Variants in LDB1 observed in about 807,000 individuals in gnomAD.
The protein encoded by LDB1 is LIM domain binding 1.
In LDB1, 6 loss-of-function variants were observed where a neutral mutation model predicts 49.7. The ratio of observed to expected loss-of-function variants is 0.12; its 90% CI spans 0.07 to 0.24. LDB1 has a LOEUF of 0.24. Among genes scored for constraint, LDB1 ranks in the 10% least tolerant of loss-of-function variants. LDB1 has a pLI of 1.00. For missense variants in LDB1, 341 were observed against 561.7 expected (o/e 0.61, Z 3.97); for synonymous variants, 233 against 202.0 (o/e 1.15, Z -1.30).
At chr10:102,108,354 C>G in intron 10 of LDB1, 31 bp from the exon 11 acceptor site, 1 of 1,583,286 alleles carries the variant, frequency 6.3e-7, no homozygotes, top group Non-Finnish European at 8.7e-7. Context: ...CAAACATAAT[C>G]GGGGCAAGGG....
chr10:102,119,865 A>T (rs2068392100), intron 1 of LDB1, among the ~76,000 whole-genome samples: 1 of 150,180 alleles, frequency 6.7e-6, no homozygotes, highest in African/African-American at 2.4e-5. Flanking sequence ...CATACACATA[A>T]GCCACCCCCA....
chr10:102,109,182 G>A lies in LDB1; in HGVS notation c.857-5C>T, dbSNP rs1468057086. The stretch of plus-strand genomic sequence containing the variant: ...GCTGCTGACGTGTGGGCTCCGCTGT[G>A]CCGGTAAACGGAGACTCAGATGGGA... On this transcript the variant is annotated splice_region_variant and splice_polypyrimidine_tract_variant and intron_variant, in intron 9 of 10. Transcript: ENST00000673968. The surrounding 1 kb of genome is among the most constrained non-coding windows in gnomAD (Gnocchi z 5.8). 17 of 1,613,194 alleles carry A rather than the reference G, an allele frequency of 1.1e-5. No individual in the cohort carries two copies. The highest frequency in any genetic ancestry group is 1.4e-5 in the Non-Finnish European group (17 of 1,179,894).
chr10:102,110,888 C>G lies in LDB1; in HGVS notation c.333G>C (p.Glu111Asp), dbSNP rs769661160. The G allele has an allele frequency of 6.2e-7, 1 of 1,614,054 alleles. No homozygotes were observed. Among genetic ancestry groups the G allele is most frequent in the South Asian group, 1.1e-5 (1 of 91,082 alleles). The change falls in exon 5 of 11, where the codon GAG becomes GAC. Residue 111 changes from glutamate (E) to aspartate (D), a missense_variant. Around this residue, in one of 5 missense-constraint regions of LDB1, gnomAD observed 233 missense variants for 385.7 expected, o/e 0.60. Coordinates refer to ENST00000673968, the MANE Select transcript of LDB1 (RefSeq NM_001113407.3). Reference sequence around the variant, plus strand: ...ACTTACTATATCTCTTTGGTCCATCCTCCAGGCAGAAAGTGATGGTCAACA... The same window carrying G: ...ACTTACTATATCTCTTTGGTCCATCGTCCAGGCAGAAAGTGATGGTCAACA... ...DAMLTITFCL[E>D]DGPKRYTIGR...
intron 1 of LDB1, chr10:102,114,521 G>C (rs1564915334): frequency 1.0e-6 from 1 of 986,046 alleles, no homozygotes; most frequent in Non-Finnish European, 1.2e-6. Context: ...GTCCCGAGTG[G>C]GACGGGCAGG....
intron 1 of LDB1, chr10:102,114,582 C>T: frequency 1.0e-6 from 1 of 985,522 alleles, no homozygotes; most frequent in Non-Finnish European, 1.2e-6. Flanking sequence ...GCACGCACTG[C>T]CTCGGCCCGC....
intron 1 of LDB1, among the ~76,000 whole-genome samples, chr10:102,115,418 C>T (rs927960206): frequency 7.9e-5 from 12 of 152,180 alleles, no homozygotes; most frequent in Admixed American, 1.3e-4. Flanking sequence ...GCCTGGGCTC[C>T]CCTGGTGAAA....
chr10:102,104,320 A>G (rs1437892630), downstream of LDB1, among the ~76,000 whole-genome samples: 1 of 152,172 alleles, frequency 6.6e-6, no homozygotes, highest in Non-Finnish European at 1.5e-5. Flanking sequence ...TAATTCACCA[A>G]CAGACACATA....
rs2068169962 is a variant in LDB1 at position 102,106,925 on chromosome 10, T to C, written c.*1168A>G. ...AGACCCTCTACCTCTACCTCACCTA[T>C]GGGGACAGAGGCCTGTTCCTCCCTG... On this transcript the variant is annotated 3_prime_UTR_variant, in exon 11 of 11. Coordinates refer to ENST00000673968, the MANE Select transcript of LDB1 (RefSeq NM_001113407.3). Among the ~76,000 whole-genome samples, 2 of 152,222 alleles carry C rather than the reference T, an allele frequency of 1.3e-5. No homozygotes were observed. The highest frequency in any genetic ancestry group is 6.5e-5 in the Admixed American group (1 of 15,280).
rs1325080408 is a variant in LDB1, at chr10:102,109,674, G to A, written c.658C>T (p.Pro220Ser). 1.2e-6 allele frequency: 2 copies of A among 1,614,016 alleles called. No homozygotes were observed. Among genetic ancestry groups the A allele is most frequent in the East Asian group, 2.2e-5 (1 of 44,884 alleles). Residue 220 changes from proline (P) to serine (S), a missense_variant, in exon 8 of 11, where the codon CCC becomes TCC. Coordinates refer to ENST00000673968, the MANE Select transcript of LDB1 (RefSeq NM_001113407.3). The surrounding 1 kb of genome is among the most constrained non-coding windows in gnomAD (Gnocchi z 5.8). ...RSILAMHAQD[P>S]QMLDQLSKNI... ...TTGGAGAGCTGATCCAACATCTGGGGGTCTTGGGCCTAGAGTGGGAGAAAA... is the reference window on the plus strand; with the variant it reads ...TTGGAGAGCTGATCCAACATCTGGGAGTCTTGGGCCTAGAGTGGGAGAAAA...
chr10:102,121,323 C>T (rs1025282549), upstream of LDB1, among the ~76,000 whole-genome samples: 1 of 152,194 alleles, frequency 6.6e-6, no homozygotes. Context: ...ACCCCCCTGC[C>T]TGGAAGCTGC....
At chr10:102,102,555 A>T (rs2068129022), downstream of LDB1, among the ~76,000 whole-genome samples, 1 of 152,224 alleles carries the variant, frequency 6.6e-6, no homozygotes, top group African/African-American at 2.4e-5. Context: ...TCCTGAAATC[A>T]GTGGGAAAAT....
chr10:102,114,812 G>GGGCGCCCCC, intron 1 of LDB1: 20 of 929,802 alleles, frequency 2.2e-5, no homozygotes, highest in Non-Finnish European at 2.6e-5. Context: ...CCTCCGAGCA[G>GGGCGCCCCC]CCCGCCCGCC....
In LDB1 at chr10:102,119,906, C is replaced by A. The variant is rs544608671; in HGVS notation, c.25+180G>T. On this transcript the variant is annotated intron_variant, in intron 1 of 10. Coordinates refer to ENST00000673968, the MANE Select transcript of LDB1 (RefSeq NM_001113407.3). ...TCCTCCCCGTGTTTCTGGGCTGCTG[C>A]GCATTTACACAGTTGGGGAAAACGC... 2.6e-5 allele frequency among the ~76,000 whole-genome samples: 4 copies of A among 151,818 alleles called. No homozygotes were observed. In the East Asian group the frequency reaches 7.8e-4, roughly 29 times the overall value.
At chr10:102,111,340 T>C (rs765123755) in intron 2 of LDB1, 40 bp from the exon 3 acceptor site, 38 of 1,608,766 alleles carry the variant, frequency 2.4e-5, no homozygotes, top group Middle Eastern at 1.6e-4. Context: ...GGGTTGAAGA[T>C]AGGAATTATT....
chr10:102,114,250 G>T (rs188960612), intron 1 of LDB1, among the ~76,000 whole-genome samples: 10 of 152,326 alleles, frequency 6.6e-5, no homozygotes, highest in Admixed American at 6.5e-4. Context: ...TCGAGGGCAG[G>T]CCTCCTCCCT....
intron 2 of LDB1, 44 bp downstream of exon 2, chr10:102,111,390 C>G: frequency 6.3e-7 from 1 of 1,599,686 alleles, no homozygotes; most frequent in Non-Finnish European, 8.6e-7. Flanking sequence ...CAGGCAGGAT[C>G]CCACCTGGAG....
chr10:102,118,040 C>A (rs904641429), intron 1 of LDB1, among the ~76,000 whole-genome samples: 4 of 152,028 alleles, frequency 2.6e-5, no homozygotes, highest in African/African-American at 9.7e-5. Flanking sequence ...AGGCGGCAGG[C>A]GGCCTGCCAG....
At chr10:102,118,097 T>C (rs1197431581) in intron 1 of LDB1, among the ~76,000 whole-genome samples, 1 of 152,128 alleles carries the variant, frequency 6.6e-6, no homozygotes, top group Non-Finnish European at 1.5e-5. Context: ...GGGGAAATCT[T>C]TGGGCCTGGA....
chr10:102,104,380 C>A (rs906691531), downstream of LDB1, among the ~76,000 whole-genome samples: 23 of 152,160 alleles, frequency 1.5e-4, no homozygotes, highest in African/African-American at 5.3e-4. Flanking sequence ...GTATACACTG[C>A]CTTACCTGCA....
Sources: gnomAD v4.1 joint callset for allele counts (sites outside exome capture counted in the v4.1 genomes callset) on GRCh38, gnomAD v4.1.1 for gene constraint, gnomAD v4.1.1 regional missense constraint, Gnocchi (gnomAD v3.1) non-coding constraint, MANE v1.5 for transcripts, NCBI Gene and HGNC (gene_info 2026-07-23, HGNC 2026-07-21) for gene names.